The following TENM2 variants were observed in gnomAD, a reference collection of about 807,000 sequenced individuals.
The protein encoded by TENM2 is teneurin-2.
Under a neutral mutation model 245.2 loss-of-function variants are expected in TENM2, and 52 were observed. The ratio of observed to expected loss-of-function variants is 0.21; its 90% confidence interval spans 0.17 to 0.27. TENM2 has a LOEUF of 0.27. Ranked by LOEUF, TENM2 falls within the 10% of genes least tolerant of loss-of-function variation. The probability of loss-of-function intolerance (pLI) is 1.00; values close to 1 mark genes in which losing one functional copy is unlikely to be tolerated. For missense variants in TENM2, 3,046 were observed against 3,666.8 expected (o/e 0.83, Z 4.37); for synonymous variants, 1,363 against 1,438.9 (o/e 0.95, Z 1.19).
chr5:167,386,374 C>A (rs1761435139), intron 2 of TENM2, among the ~76,000 whole-genome samples: 1 of 151,696 alleles, frequency 6.6e-6, no homozygotes, highest in African/African-American at 2.4e-5. Flanking sequence ...TTATTTTTTT[C>A]TTGCTGATTT....
chr5:167,491,059 T>C (rs1768402563), intron 2 of TENM2, among the ~76,000 whole-genome samples: 1 of 152,204 alleles, frequency 6.6e-6, no homozygotes, highest in South Asian at 2.1e-4. Context: ...GCTATGATGA[T>C]TGGCCTTTTC....
chr5:166,992,270 C>T, the TENM2 span, among the ~76,000 whole-genome samples: 2 of 152,042 alleles, frequency 1.3e-5, no homozygotes, highest in African/African-American at 4.8e-5. Context: ...GAGATCTAGC[C>T]AGAGGAATAG....
At chr5:167,804,907 A>C (rs887646624) in intron 2 of TENM2, among the ~76,000 whole-genome samples, 3 of 152,186 alleles carry the variant, frequency 2.0e-5, no homozygotes, top group African/African-American at 7.2e-5. Context: ...TTAAGGCAAG[A>C]ATGCTTATGG....
At chr5:167,788,751 T>A (rs1175047545) in intron 2 of TENM2, among the ~76,000 whole-genome samples, 1 of 152,202 alleles carries the variant, frequency 6.6e-6, no homozygotes, top group African/African-American at 2.4e-5. Context: ...GTCTTCTTTC[T>A]TATTATTTAG....
Position 167,753,001 on chromosome 5 carries a change from G to A in TENM2, c.503-122985G>A, listed in dbSNP as rs150730836. Among the ~76,000 whole-genome samples the A allele has an allele frequency of 6.0e-3, 921 of 152,246 alleles. 7 individuals carry two copies. The highest frequency in any genetic ancestry group is 0.021 in the African/African-American group (873 of 41,522). The stretch of plus-strand genomic sequence containing the variant: ...CATTTTTTAGCCAAGGGGATGGTTG[G>A]CTATTTGAACGAGAATTTTGACTGT... On this transcript the variant is annotated intron_variant, in intron 2 of 28. Transcript: ENST00000518659.
At chr5:167,155,745 C>T in the TENM2 span, among the ~76,000 whole-genome samples, 1 of 152,222 alleles carries the variant, frequency 6.6e-6, no homozygotes, top group Non-Finnish European at 1.5e-5. Context: ...CTAAGTCTGT[C>T]ACTGCCATTC....
At position 167,360,051 on chromosome 5, in the gene TENM2, C is replaced by T. The variant is rs563903798; in HGVS notation, c.227-15147C>T. On this transcript the variant is annotated intron_variant, in intron 1 of 28. Transcript: ENST00000518659. ...GAGAGTGGGAGGAGCGAGGAGCAGACAAAAGAACTACTGGGCACTAGGCTT... is the reference window on the plus strand; with the variant it reads ...GAGAGTGGGAGGAGCGAGGAGCAGATAAAAGAACTACTGGGCACTAGGCTT... Among the ~76,000 whole-genome samples the T allele has an allele frequency of 1.1e-4, 17 of 152,212 alleles. No homozygotes were observed. In the South Asian group the frequency reaches 3.3e-3, roughly 30 times the overall value.
At chr5:167,305,959 C>T (rs556950187) in intron 1 of TENM2, among the ~76,000 whole-genome samples, 1 of 152,040 alleles carries the variant, frequency 6.6e-6, no homozygotes, top group African/African-American at 2.4e-5. Flanking sequence ...AGTTCCAGAG[C>T]AATATAATCT....
At chr5:168,080,280 C>T (rs1409351829) in intron 7 of TENM2, among the ~76,000 whole-genome samples, 1 of 152,010 alleles carries the variant, frequency 6.6e-6, no homozygotes, top group Non-Finnish European at 1.5e-5. Flanking sequence ...GGTGATATCC[C>T]CTTTATCATT....
chr5:167,734,005 G>T (rs1760622805), intron 2 of TENM2, among the ~76,000 whole-genome samples: 1 of 152,136 alleles, frequency 6.6e-6, no homozygotes, highest in South Asian at 2.1e-4. Flanking sequence ...TTGACCCCAG[G>T]TTTCCTTGAC....
intron 2 of TENM2, among the ~76,000 whole-genome samples, chr5:167,839,582 T>C: frequency 6.6e-6 from 1 of 152,044 alleles, no homozygotes; most frequent in Non-Finnish European, 1.5e-5. Flanking sequence ...TGTATGTATG[T>C]ATGTGTTTAA....
intron 25 of TENM2, among the ~76,000 whole-genome samples, chr5:168,238,188 AGGGAGGGAGG>A (rs1765698830): frequency 5.5e-5 from 2 of 36,588 alleles, no homozygotes; most frequent in African/African-American, 5.6e-4. Context: ...AGAGAGAGGG[AGGGAGGGAGG>A]GAGGGAGGGA....
At chr5:167,467,531 A>AC (rs199770354) in intron 2 of TENM2, among the ~76,000 whole-genome samples, 36 of 143,674 alleles carry the variant, frequency 2.5e-4, no homozygotes, top group African/African-American at 8.9e-4. Context: ...AAAAAAAAAA[A>AC]CAGTAACCTT....
intron 2 of TENM2, among the ~76,000 whole-genome samples, chr5:167,604,960 T>A (rs1776922386): frequency 6.6e-6 from 1 of 152,188 alleles, no homozygotes; most frequent in African/African-American, 2.4e-5. Flanking sequence ...TGGAAACAAA[T>A]AGGAAGATGA....
chr5:167,414,614 T>C (rs1204464003), intron 2 of TENM2, among the ~76,000 whole-genome samples: 1 of 152,062 alleles, frequency 6.6e-6, no homozygotes, highest in African/African-American at 2.4e-5. Flanking sequence ...ATCTGATTGT[T>C]GTGTCTGGGT....
rs144238382 is a variant in TENM2 at position 168,066,941 on chromosome 5, G to A, written c.1515+4676G>A. On this transcript the variant is annotated intron_variant, in intron 7 of 28. Coordinates refer to ENST00000518659, the Ensembl canonical transcript of TENM2. ...GTTGCAGCAAGTCAGAATCTTGGGCGGTTAAGGCAGTGAGCAAGTTTGCTT... is the reference window on the plus strand; with the variant it reads ...GTTGCAGCAAGTCAGAATCTTGGGCAGTTAAGGCAGTGAGCAAGTTTGCTT... Among the ~76,000 whole-genome samples, 97 of 152,288 alleles carry A rather than the reference G, an allele frequency of 6.4e-4. 2 individuals are homozygous for A. Among genetic ancestry groups the A allele is most frequent in the South Asian group, 2.7e-3 (13 of 4,820 alleles).
At chr5:167,051,204 A>G in the TENM2 span, among the ~76,000 whole-genome samples, 3 of 151,434 alleles carry the variant, frequency 2.0e-5, no homozygotes, top group African/African-American at 4.8e-5. Flanking sequence ...ATCAGTTTGT[A>G]TGATAAGGGG....
At position 168,244,473 on chromosome 5, in the gene TENM2, A is replaced by G. The variant is rs773181356; in HGVS notation, c.5574A>G (p.Glu1858=). ...ACTATGATCGAAATATTCGGACTGAAAAGATCTATGATGACCACCGGAAGT... is the reference window on the plus strand; with the variant it reads ...ACTATGATCGAAATATTCGGACTGAGAAGATCTATGATGACCACCGGAAGT... The change falls in exon 26 of 29, where the codon GAA becomes GAG. Residue 1858 remains glutamate, a synonymous_variant. Coordinates refer to ENST00000518659, the Ensembl canonical transcript of TENM2. The surrounding 1 kb of genome is among the most constrained non-coding windows in gnomAD (Gnocchi z 4.9). 6.3e-7 allele frequency: 1 copy of G among 1,592,378 alleles called. No homozygotes were observed.
At chr5:167,799,457 C>T (rs1005262207) in intron 2 of TENM2, among the ~76,000 whole-genome samples, 1 of 152,106 alleles carries the variant, frequency 6.6e-6, no homozygotes, top group African/African-American at 2.4e-5. Flanking sequence ...CTGGTGATGA[C>T]ATAAATGTCT....
Sources: gnomAD v4.1 joint callset for allele counts (sites outside exome capture counted in the v4.1 genomes callset) on GRCh38, gnomAD v4.1.1 for gene constraint, Gnocchi (gnomAD v3.1) non-coding constraint, MANE v1.5 for transcripts, NCBI Gene and HGNC (gene_info 2026-07-23, HGNC 2026-07-21) for gene names.